The following ATG4C variants were observed in gnomAD, a reference collection of about 807,000 sequenced individuals.
The protein encoded by ATG4C is autophagy related 4C cysteine peptidase, also known as cysteine protease ATG4C.
In ATG4C, 56 loss-of-function variants were observed where a neutral mutation model predicts 57.6. The ratio of observed to expected loss-of-function variants is 0.97; its 90% confidence interval spans 0.78 to 1.21. The LOEUF (loss-of-function observed/expected upper bound fraction) is 1.21, where lower values mean the gene tolerates loss of function less well. Among genes scored for constraint, ATG4C ranks in the 50% most tolerant of loss-of-function variants. The probability of loss-of-function intolerance (pLI) is 0.00; values close to 1 mark genes in which losing one functional copy is unlikely to be tolerated. For missense variants in ATG4C, 595 were observed against 529.8 expected (o/e 1.12, Z -1.21); for synonymous variants, 157 against 174.1 (o/e 0.90, Z 0.78).
chr1:62,801,882 G>A (rs1402240861), intron 1 of ATG4C, among the ~76,000 whole-genome samples: 2 of 140,850 alleles, frequency 1.4e-5, no homozygotes, highest in Non-Finnish European at 3.1e-5. Flanking sequence ...GGCATGAACC[G>A]GGGAGGCGGA....
intron 2 of ATG4C, 65 bp downstream of exon 2, chr1:62,803,927 C>A: frequency 1.0e-6 from 1 of 965,100 alleles, no homozygotes; most frequent in Non-Finnish European, 1.6e-6. Context: ...TATCATTTCC[C>A]CTCTTAAGTC....
At chr1:62,824,319 C>T (rs1297319215) in intron 6 of ATG4C, among the ~76,000 whole-genome samples, 1 of 152,062 alleles carries the variant, frequency 6.6e-6, no homozygotes, top group Non-Finnish European at 1.5e-5. Flanking sequence ...GGGAGAACTA[C>T]CATGGCATTT....
intron 1 of ATG4C, among the ~76,000 whole-genome samples, chr1:62,786,555 C>T (rs1409873225): frequency 6.7e-6 from 1 of 149,842 alleles, no homozygotes; most frequent in African/African-American, 2.5e-5. Flanking sequence ...AAGTGAAAAT[C>T]TGTGATATAG....
intron 9 of ATG4C, among the ~76,000 whole-genome samples, chr1:62,837,376 A>C (rs1043142447): frequency 6.6e-6 from 1 of 152,136 alleles, no homozygotes; most frequent in Non-Finnish European, 1.5e-5. Context: ...GTTCAGTGTG[A>C]GGGCACATTA....
At chr1:62,809,447 A>G (rs1364434940) in intron 3 of ATG4C, among the ~76,000 whole-genome samples, 1 of 147,828 alleles carries the variant, frequency 6.8e-6, no homozygotes, top group African/African-American at 2.5e-5. Flanking sequence ...ATACATATGT[A>G]TATGTACACA....
chr1:62,862,279 A>G (rs577546784), intron 10 of ATG4C, among the ~76,000 whole-genome samples: 84 of 152,244 alleles, frequency 5.5e-4, no homozygotes, highest in Admixed American at 1.4e-3. Context: ...ACAGATTTGA[A>G]TCTTAACTTT....
chr1:62,862,708 A>G (rs1322701762), intron 10 of ATG4C, among the ~76,000 whole-genome samples: 1 of 152,036 alleles, frequency 6.6e-6, no homozygotes, highest in African/African-American at 2.4e-5. Flanking sequence ...GTTCATTTCC[A>G]TTCAATTAAA....
chr1:62,853,035 A>C (rs1666566586), intron 10 of ATG4C, among the ~76,000 whole-genome samples: 1 of 152,176 alleles, frequency 6.6e-6, no homozygotes, highest in Non-Finnish European at 1.5e-5. Flanking sequence ...AAAGATGCAT[A>C]GATGGTAAAT....
rs978786817 is a variant in ATG4C, at chr1:62,806,362, A to AT, written c.160+1118dup. Among the ~76,000 whole-genome samples the AT allele has an allele frequency of 3.3e-3, 482 of 146,214 alleles. 2 individuals carry two copies. The highest frequency in any genetic ancestry group is 7.8e-3 in the African/African-American group (312 of 40,180). ...GAGTGCTGTGCTAAAGAGTTAGGTCATTTTTTTTTTTGGGCAGAGGACAAC... is the reference window on the plus strand; with the variant it reads ...GAGTGCTGTGCTAAAGAGTTAGGTCATTTTTTTTTTTTGGGCAGAGGACAAC... On this transcript the variant is annotated intron_variant, in intron 3 of 10. Coordinates refer to ENST00000317868, the MANE Select transcript of ATG4C (RefSeq NM_032852.4).
chr1:62,827,058 AGTCT>A lies in ATG4C; in HGVS notation c.797-1981_797-1978del, dbSNP rs372479878. Among the ~76,000 whole-genome samples the A allele has an allele frequency of 3.4e-3, 514 of 152,306 alleles. 3 individuals are homozygous for A. Among genetic ancestry groups the A allele is most frequent in the African/African-American group, 0.011 (473 of 41,554 alleles). On this transcript the variant is annotated intron_variant, in intron 6 of 10. Coordinates refer to ENST00000317868, the MANE Select transcript of ATG4C (RefSeq NM_032852.4). ...AGGCAGAGCAGCCCCTTGCCTATACAGTCTATTATGAACACAGGAAACAGGCTGT... is the reference window on the plus strand; with the variant it reads ...AGGCAGAGCAGCCCCTTGCCTATACAATTATGAACACAGGAAACAGGCTGT...
At chr1:62,854,155 G>T (rs1298485810) in intron 10 of ATG4C, among the ~76,000 whole-genome samples, 1 of 150,700 alleles carries the variant, frequency 6.6e-6, no homozygotes, top group African/African-American at 2.4e-5. Context: ...ATTAATTATA[G>T]TAATTTTTAT....
intron 10 of ATG4C, among the ~76,000 whole-genome samples, chr1:62,854,633 G>C (rs1666627776): frequency 6.6e-6 from 1 of 152,022 alleles, no homozygotes; most frequent in Admixed American, 6.6e-5. Flanking sequence ...AATGACTAGT[G>C]ACCTTCTCTC....
chr1:62,805,287 T>C lies in ATG4C; in HGVS notation c.160+32T>C, dbSNP rs773005472. ...ACAAAATTTGTAAACCATTTAAAAA[T>C]TTTTGTAGAAATCATCATGTAACTT... On this transcript the variant is annotated intron_variant, in intron 3 of 10. Transcript: ENST00000317868. 48 of 1,481,048 alleles carry C rather than the reference T, an allele frequency of 3.2e-5. No homozygotes were observed. In the South Asian group the frequency reaches 6.6e-4, roughly 20 times the overall value. The allele number at this position is 1,481,048 out of a possible 1,614,324, so 91.7% of individuals were successfully genotyped here.
At chr1:62,824,721 G>T (rs1431835431) in intron 6 of ATG4C, among the ~76,000 whole-genome samples, 2 of 146,574 alleles carry the variant, frequency 1.4e-5, no homozygotes, top group African/African-American at 5.1e-5. Context: ...AGGCTGGAGT[G>T]CAGTGGTGCG....
intron 5 of ATG4C, 73 bp from the exon 6 acceptor site, chr1:62,821,066 T>G: frequency 8.1e-7 from 1 of 1,235,376 alleles, no homozygotes; most frequent in Non-Finnish European, 1.1e-6. Flanking sequence ...CATTTTTTCC[T>G]TCTTAAATTA....
intron 10 of ATG4C, among the ~76,000 whole-genome samples, chr1:62,850,890 A>ATATATG (rs1666498885): frequency 1.0e-5 from 1 of 99,212 alleles, no homozygotes; most frequent in Non-Finnish European, 2.2e-5. Context: ...ATATATATAT[A>ATATATG]TATATATATA....
chr1:62,803,775 T>C lies in ATG4C; in HGVS notation c.-12T>C. The C allele has an allele frequency of 1.6e-5, 26 of 1,586,366 alleles. No individual in the cohort carries two copies. The highest frequency in any genetic ancestry group is 2.1e-5 in the Non-Finnish European group (24 of 1,164,366). ...TGCAATCAAGTGATGGCTTTTCCTT[T>C]AGAATTTGAATATGGAGGCTACAGG... On this transcript the variant is annotated 5_prime_UTR_variant, in exon 2 of 11. Coordinates refer to ENST00000317868, the MANE Select transcript of ATG4C (RefSeq NM_032852.4).
chr1:62,862,106 C>T (rs185651505), intron 10 of ATG4C, among the ~76,000 whole-genome samples: 9 of 152,254 alleles, frequency 5.9e-5, no homozygotes, highest in Admixed American at 2.0e-4. Flanking sequence ...TCTTTAAATA[C>T]TTAAATAAAC....
intron 6 of ATG4C, among the ~76,000 whole-genome samples, 155 bp from the exon 7 acceptor site, chr1:62,828,885 C>G (rs1331755945): frequency 6.6e-6 from 1 of 152,030 alleles, no homozygotes; most frequent in Non-Finnish European, 1.5e-5. Flanking sequence ...GCCAGTTATC[C>G]TAGTGGTATT....
Sources: gnomAD v4.1 joint callset for allele counts (sites outside exome capture counted in the v4.1 genomes callset) on GRCh38, gnomAD v4.1.1 for gene constraint, MANE v1.5 for transcripts, NCBI Gene and HGNC (gene_info 2026-07-23, HGNC 2026-07-21) for gene names.